Variants in ATP8A1 observed in about 807,000 individuals in gnomAD.
The protein encoded by ATP8A1 is phospholipid-transporting ATPase IA.
A neutral mutation model predicts 177.7 loss-of-function variants in ATP8A1; 90 were observed. The ratio of observed to expected loss-of-function variants is 0.51; its 90% confidence interval spans 0.43 to 0.60. The LOEUF (loss-of-function observed/expected upper bound fraction) is 0.60. Ranked by LOEUF, ATP8A1 falls within the 20% of genes least tolerant of loss-of-function variation. The pLI is 0.00. For synonymous variants in ATP8A1, 493 were observed against 485.9 expected (o/e 1.01, Z -0.19); for missense variants, 1,072 against 1,392.8 (o/e 0.77, Z 3.67).
intron 20 of ATP8A1, among the ~76,000 whole-genome samples, chr4:42,526,578 G>C (rs1726694780): frequency 6.6e-6 from 1 of 152,132 alleles, no homozygotes; most frequent in African/African-American, 2.4e-5. Flanking sequence ...GATGCTTCCT[G>C]TCCTTGAACA....
intron 1 of ATP8A1, among the ~76,000 whole-genome samples, chr4:42,632,710 T>C (rs1435902397): frequency 6.6e-6 from 1 of 152,230 alleles, no homozygotes; most frequent in African/African-American, 2.4e-5. Context: ...ACTATCCTAA[T>C]TATGACTCTG....
chr4:42,479,305 A>G (rs978342544), intron 25 of ATP8A1, among the ~76,000 whole-genome samples: 9 of 152,340 alleles, frequency 5.9e-5, no homozygotes, highest in Middle Eastern at 3.4e-3. Context: ...CCCTGCACAG[A>G]AAATATATGC....
At position 42,617,163 on chromosome 4, in the gene ATP8A1, T is replaced by A. The variant is rs148562900; in HGVS notation, c.364-1085A>T. On this transcript the variant is annotated intron_variant, in intron 4 of 36. Transcript: ENST00000381668. ...ACACTGCAAGAGAAAAATCTAGAAGTGTGGATTAGCACTCCAGGACATGGC... is the reference window on the plus strand; with the variant it reads ...ACACTGCAAGAGAAAAATCTAGAAGAGTGGATTAGCACTCCAGGACATGGC... Among the ~76,000 whole-genome samples the A allele has an allele frequency of 4.6e-5, 7 of 152,252 alleles. No homozygotes were observed. In the East Asian group the frequency reaches 1.3e-3, roughly 29 times the overall value.
chr4:42,656,331 A>G (rs898398281), intron 1 of ATP8A1, among the ~76,000 whole-genome samples: 4 of 152,212 alleles, frequency 2.6e-5, no homozygotes, highest in Non-Finnish European at 5.9e-5. Flanking sequence ...TAATGCAGGG[A>G]ACCCACTCGG....
chr4:42,459,977 G>C (rs886107342), intron 27 of ATP8A1, among the ~76,000 whole-genome samples: 1 of 151,994 alleles, frequency 6.6e-6, no homozygotes, highest in African/African-American at 2.4e-5. Flanking sequence ...ATTTTTAGTA[G>C]AGACAGAGTT....
intron 35 of ATP8A1, among the ~76,000 whole-genome samples, chr4:42,419,704 T>A (rs1359221408): frequency 1.3e-5 from 2 of 152,310 alleles, no homozygotes; most frequent in East Asian, 1.9e-4. Context: ...AAAGTAGATA[T>A]AAAATTTGCT....
chr4:42,569,054 T>A, intron 15 of ATP8A1, 107 bp downstream of exon 15: 1 of 466,822 alleles, frequency 2.1e-6, no homozygotes, highest in Non-Finnish European at 3.3e-6. Context: ...CAATATTTTA[T>A]TTATATATAT....
chr4:42,554,295 A>G (rs970697882), intron 16 of ATP8A1, among the ~76,000 whole-genome samples: 1 of 152,176 alleles, frequency 6.6e-6, no homozygotes, highest in African/African-American at 2.4e-5. Flanking sequence ...GATAGATTCT[A>G]GCAATCAGTG....
chr4:42,656,223 G>A (rs1219683757), intron 1 of ATP8A1, among the ~76,000 whole-genome samples: 1 of 152,212 alleles, frequency 6.6e-6, no homozygotes, highest in Non-Finnish European at 1.5e-5. Flanking sequence ...AGCTCAGCTG[G>A]CCGAAGTGAG....
chr4:42,463,459 C>G (rs911181892), intron 27 of ATP8A1, among the ~76,000 whole-genome samples: 14 of 152,288 alleles, frequency 9.2e-5, no homozygotes, highest in African/African-American at 3.4e-4. Flanking sequence ...GAGGCCTCCC[C>G]AGCCATGTGG....
chr4:42,589,177 C>A (rs887249935), intron 7 of ATP8A1, among the ~76,000 whole-genome samples: 1 of 152,174 alleles, frequency 6.6e-6, no homozygotes, highest in Non-Finnish European at 1.5e-5. Flanking sequence ...TTGACTTGCC[C>A]AGCAACTACA....
chr4:42,596,517 A>T (rs1465249940), intron 6 of ATP8A1, among the ~76,000 whole-genome samples: 1 of 152,034 alleles, frequency 6.6e-6, no homozygotes, highest in Non-Finnish European at 1.5e-5. Flanking sequence ...CAATACAAAA[A>T]TTAGCTGGGC....
chr4:42,462,214 CA>C (rs1402281942), intron 27 of ATP8A1, among the ~76,000 whole-genome samples: 1 of 152,180 alleles, frequency 6.6e-6, no homozygotes, highest in Admixed American at 6.5e-5. Flanking sequence ...AATGAGAAGC[CA>C]AATGTTAATC....
chr4:42,462,254 G>T (rs1301813370), intron 27 of ATP8A1, among the ~76,000 whole-genome samples: 1 of 152,210 alleles, frequency 6.6e-6, no homozygotes, highest in Non-Finnish European at 1.5e-5. Context: ...ATGTCTCCAG[G>T]GTATGTCAGA....
At chr4:42,476,270 T>C (rs560455315) in intron 25 of ATP8A1, among the ~76,000 whole-genome samples, 1 of 152,184 alleles carries the variant, frequency 6.6e-6, no homozygotes, top group South Asian at 2.1e-4. Context: ...TATACAAAAA[T>C]AAACTCCATA....
At chr4:42,581,317 T>G (rs1181368714) in intron 10 of ATP8A1, among the ~76,000 whole-genome samples, 1 of 152,132 alleles carries the variant, frequency 6.6e-6, no homozygotes, top group Admixed American at 6.5e-5. Context: ...GTATTTTCAG[T>G]AGAGACGGGC....
At chr4:42,622,041 A>G (rs541860281) in intron 4 of ATP8A1, among the ~76,000 whole-genome samples, 1 of 152,316 alleles carries the variant, frequency 6.6e-6, no homozygotes, top group East Asian at 1.9e-4. Flanking sequence ...TAGAAGACTG[A>G]AACTACATCA....
intron 27 of ATP8A1, among the ~76,000 whole-genome samples, chr4:42,458,035 T>C (rs898505508): frequency 6.6e-6 from 1 of 152,168 alleles, no homozygotes; most frequent in Non-Finnish European, 1.5e-5. Flanking sequence ...AAACTTTCAA[T>C]AGAGTACCTT....
intron 23 of ATP8A1, among the ~76,000 whole-genome samples, chr4:42,505,694 G>A (rs998101637): frequency 1.3e-5 from 2 of 152,042 alleles, no homozygotes; most frequent in African/African-American, 4.8e-5. Context: ...GGATATGTTA[G>A]GCTGACTGCT....
Sources: gnomAD v4.1 joint callset for allele counts (sites outside exome capture counted in the v4.1 genomes callset) on GRCh38, gnomAD v4.1.1 for gene constraint, MANE v1.5 for transcripts, NCBI Gene and HGNC (gene_info 2026-07-23, HGNC 2026-07-21) for gene names.